The following CSMD1 variants were observed in gnomAD, a reference collection of about 807,000 sequenced individuals.
CSMD1 encodes the protein CUB and Sushi multiple domains 1, also known as CUB and sushi domain-containing protein 1.
A neutral mutation model predicts 417.5 loss-of-function variants in CSMD1; 213 were observed. The observed-to-expected ratio is 0.51, with a 90% CI of 0.46 to 0.57. CSMD1 has a LOEUF of 0.57. CSMD1 is among the 20% of genes least tolerant of loss of function. The pLI, the probability that CSMD1 is intolerant of heterozygous loss-of-function variation, is 0.00. For synonymous variants in CSMD1, 2,862 were observed against 1,736.8 expected, an observed-to-expected ratio of 1.65 and a Z score of -16.11; for missense variants, 6,923 against 4,529.7, an observed-to-expected ratio of 1.53 and a Z score of -15.17.
Position 4,788,004 on chromosome 8 carries a change from C to A in CSMD1, c.86-150446G>T. 3.1e-6 allele frequency: 5 copies of A among 1,589,910 alleles called. 1 individual carries two copies. The South Asian group carries it at 5.6e-5, about 18-fold the overall frequency. ...CCAACAGAAAGACAAACAGTGTTAT[C>A]GGGATCTCAAAGAAGTAACTCCTGA... On this transcript the variant is annotated intron_variant, in intron 1 of 69. Coordinates refer to ENST00000635120, the MANE Select transcript of CSMD1 (RefSeq NM_033225.6).
chr8:4,443,035 T>C (rs796860091), intron 2 of CSMD1, among the ~76,000 whole-genome samples: 2 of 152,346 alleles, frequency 1.3e-5, no homozygotes, highest in Middle Eastern at 6.8e-3. Context: ...AAGATTTCGA[T>C]TGTAATTGTG....
Position 4,137,356 on chromosome 8 carries a change from G to C in CSMD1, c.416-105257C>G, listed in dbSNP as rs1015645840. Among the ~76,000 whole-genome samples, 6 of 134,330 alleles carry C rather than the reference G, an allele frequency of 4.5e-5. 1 individual carries two copies. Among genetic ancestry groups the C allele is most frequent in the African/African-American group, 7.4e-5 (3 of 40,788 alleles). 88.1% of individuals were successfully genotyped at this position (134,330 alleles called of 152,430 possible). A position where few individuals can be genotyped will look rare whatever the true frequency, so the allele number is the denominator to read the frequency against. Reference sequence around the variant, plus strand: ...GGCTAACTCAGACATGTTGAATAGAGAATGCAAACTTCTTATGCTAAATAG... The same window carrying C: ...GGCTAACTCAGACATGTTGAATAGACAATGCAAACTTCTTATGCTAAATAG... On this transcript the variant is annotated intron_variant, in intron 3 of 69. Coordinates refer to ENST00000635120, the MANE Select transcript of CSMD1 (RefSeq NM_033225.6).
chr8:4,422,070 A>G (rs1289819028), intron 2 of CSMD1, among the ~76,000 whole-genome samples: 1 of 152,110 alleles, frequency 6.6e-6, no homozygotes, highest in Non-Finnish European at 1.5e-5. Flanking sequence ...AACTCAAACA[A>G]ATGAACTATT....
chr8:3,594,323 A>G (rs555692372), intron 8 of CSMD1, among the ~76,000 whole-genome samples: 4 of 152,334 alleles, frequency 2.6e-5, no homozygotes, highest in Admixed American at 2.6e-4. Flanking sequence ...TTAACAAAAA[A>G]GAACTGATTT....
intron 1 of CSMD1, among the ~76,000 whole-genome samples, chr8:4,810,974 G>C (rs548149297): frequency 6.6e-6 from 1 of 152,176 alleles, no homozygotes; most frequent in Non-Finnish European, 1.5e-5. Flanking sequence ...AGACAAGAAA[G>C]TAAAGAGATA....
intron 7 of CSMD1, among the ~76,000 whole-genome samples, chr8:3,650,273 T>C (rs566233269): frequency 6.6e-6 from 1 of 150,426 alleles, no homozygotes; most frequent in Admixed American, 6.6e-5. Context: ...GCAAGACTCT[T>C]TCTCAGAAAA....
chr8:3,387,113 G>C (rs1811049747), intron 18 of CSMD1, among the ~76,000 whole-genome samples: 1 of 152,132 alleles, frequency 6.6e-6, no homozygotes, highest in Non-Finnish European at 1.5e-5. Context: ...ACGGACTGTA[G>C]ACTGAGAGGA....
intron 25 of CSMD1, among the ~76,000 whole-genome samples, chr8:3,288,363 C>A (rs1433680375): frequency 1.4e-5 from 2 of 147,146 alleles, no homozygotes; most frequent in Non-Finnish European, 1.5e-5. Flanking sequence ...GGAATAGTTT[C>A]AGAAGGAATG....
At chr8:3,244,611 A>C (rs1799760334) in intron 26 of CSMD1, among the ~76,000 whole-genome samples, 1 of 152,196 alleles carries the variant, frequency 6.6e-6, no homozygotes, top group Non-Finnish European at 1.5e-5. Flanking sequence ...GTTGAACCCA[A>C]GGCAGGACAG....
chr8:3,937,675 C>A (rs1810597379), intron 5 of CSMD1, among the ~76,000 whole-genome samples: 1 of 152,126 alleles, frequency 6.6e-6, no homozygotes, highest in South Asian at 2.1e-4. Flanking sequence ...TGAAGTACGG[C>A]TGCATATCAA....
intron 3 of CSMD1, among the ~76,000 whole-genome samples, chr8:4,417,514 T>G (rs1797009606): frequency 6.6e-6 from 1 of 152,040 alleles, no homozygotes; most frequent in Admixed American, 6.6e-5. Flanking sequence ...CATGTTTTAG[T>G]TAAATAAAAA....
chr8:4,906,004 G>C (rs1275864622), intron 1 of CSMD1, among the ~76,000 whole-genome samples: 1 of 152,068 alleles, frequency 6.6e-6, no homozygotes. Context: ...TTGGCAGGAA[G>C]TCTGATCCGA....
intron 1 of CSMD1, among the ~76,000 whole-genome samples, chr8:4,886,952 G>T (rs982266202): frequency 6.6e-6 from 1 of 151,786 alleles, no homozygotes; most frequent in Non-Finnish European, 1.5e-5. Flanking sequence ...CTCATTTTCT[G>T]TGTTTTCTAT....
intron 1 of CSMD1, among the ~76,000 whole-genome samples, chr8:4,711,177 T>C (rs944456227): frequency 1.3e-5 from 2 of 150,692 alleles, no homozygotes; most frequent in Non-Finnish European, 1.5e-5. Context: ...AAAACCATGA[T>C]CCTTTTATTA....
intron 1 of CSMD1, among the ~76,000 whole-genome samples, chr8:4,802,352 C>CGTGTGT (rs34030430): frequency 0.01 from 1,535 of 146,398 alleles, 9 homozygotes; most frequent in Non-Finnish European, 0.016. Flanking sequence ...TGTGTGCGCG[C>CGTGTGT]GTGTGTGTGT....
At chr8:4,420,555 A>C (rs1411778942) in intron 2 of CSMD1, among the ~76,000 whole-genome samples, 1 of 152,156 alleles carries the variant, frequency 6.6e-6, no homozygotes, top group Non-Finnish European at 1.5e-5. Flanking sequence ...AAAAAATATG[A>C]CAGGTAAAGC....
intron 1 of CSMD1, among the ~76,000 whole-genome samples, chr8:4,662,401 C>T (rs1804661853): frequency 6.6e-6 from 1 of 152,128 alleles, no homozygotes; most frequent in African/African-American, 2.4e-5. Flanking sequence ...GCATTAGATT[C>T]TACAAAAAGA....
At chr8:3,891,406 A>G (rs1806962716) in intron 5 of CSMD1, among the ~76,000 whole-genome samples, 1 of 151,860 alleles carries the variant, frequency 6.6e-6, no homozygotes, top group African/African-American at 2.4e-5. Flanking sequence ...GAGGCCAGGT[A>G]TGGTGGCTCA....
intron 3 of CSMD1, among the ~76,000 whole-genome samples, chr8:4,402,797 TTTCTTTTTTTTTTTTTTTTTTTTC>T: frequency 8.1e-6 from 1 of 123,916 alleles, no homozygotes; most frequent in Non-Finnish European, 1.6e-5. Flanking sequence ...TCCTCACTTT[TTTCTTTTTTTTTTTTTTTTTTTTC>T]TTTTTTTTTT....
Sources: gnomAD v4.1 joint callset for allele counts (sites outside exome capture counted in the v4.1 genomes callset) on GRCh38, gnomAD v4.1.1 for gene constraint, MANE v1.5 for transcripts, NCBI Gene and HGNC (gene_info 2026-07-23, HGNC 2026-07-21) for gene names.